NRXN1: variants seen among roughly 807,000 people sequenced by gnomAD.
NRXN1 encodes the protein neurexin 1.
Under a neutral mutation model 150.9 loss-of-function variants are expected in NRXN1, and 39 were observed. The observed-to-expected ratio is 0.26, with a 90% CI of 0.20 to 0.34. The LOEUF is 0.34. NRXN1 is among the 10% of genes least tolerant of loss of function. The pLI, the probability that NRXN1 is intolerant of heterozygous loss-of-function variation, is 1.00. For missense variants in NRXN1, 1,815 were observed against 1,949.9 expected, an observed-to-expected ratio of 0.93 and a Z score of 1.30; for synonymous variants, 924 against 757.0, an observed-to-expected ratio of 1.22 and a Z score of -3.62.
intron 5 of NRXN1, among the ~76,000 whole-genome samples, chr2:50,795,059 G>T (rs1049297332): frequency 1.3e-5 from 2 of 152,050 alleles, no homozygotes; most frequent in Non-Finnish European, 2.9e-5. Context: ...TACTATCAAG[G>T]AATTTTGTTA....
intron 19 of NRXN1, among the ~76,000 whole-genome samples, chr2:50,056,381 G>A (rs1693623782): frequency 6.6e-6 from 1 of 151,972 alleles, no homozygotes; most frequent in Admixed American, 6.6e-5. Flanking sequence ...TCATCAATTT[G>A]TCATCTGAAT....
intron 18 of NRXN1, among the ~76,000 whole-genome samples, chr2:50,210,911 T>C (rs961838246): frequency 9.9e-5 from 15 of 151,732 alleles, no homozygotes; most frequent in African/African-American, 3.6e-4. Flanking sequence ...TGCACTTTGC[T>C]CAAACACACA....
chr2:50,139,836 G>A (rs1260638609), intron 18 of NRXN1, among the ~76,000 whole-genome samples: 1 of 152,102 alleles, frequency 6.6e-6, no homozygotes, highest in Non-Finnish European at 1.5e-5. Context: ...GAAAAAATAT[G>A]ATAATTTATA....
At chr2:50,735,637 C>G (rs1054368616) in intron 5 of NRXN1, among the ~76,000 whole-genome samples, 4 of 152,092 alleles carry the variant, frequency 2.6e-5, no homozygotes, top group Non-Finnish European at 5.9e-5. Flanking sequence ...AATAAATATC[C>G]TATTGTAATT....
At chr2:50,651,735 C>T (rs1573970526) in intron 5 of NRXN1, among the ~76,000 whole-genome samples, 1 of 152,150 alleles carries the variant, frequency 6.6e-6, no homozygotes, top group Middle Eastern at 3.4e-3. Context: ...TACACCATCC[C>T]TTCTTTTTTC....
intron 22 of NRXN1, among the ~76,000 whole-genome samples, chr2:49,937,326 G>C (rs1033580370): frequency 6.6e-6 from 1 of 152,038 alleles, no homozygotes; most frequent in South Asian, 2.1e-4. Context: ...AGTTGCCCTC[G>C]GGCTGAAATC....
chr2:50,482,919 C>A (rs1180720215), intron 15 of NRXN1, among the ~76,000 whole-genome samples: 1 of 151,874 alleles, frequency 6.6e-6, no homozygotes, highest in Non-Finnish European at 1.5e-5. Flanking sequence ...TGCGTGGTGG[C>A]ATGCGTCTGT....
chr2:50,500,738 GTA>G (rs968410521), intron 13 of NRXN1, among the ~76,000 whole-genome samples: 33 of 152,310 alleles, frequency 2.2e-4, no homozygotes, highest in African/African-American at 7.0e-4. Context: ...TGCTGTGTTT[GTA>G]TAGAAATCTC....
At chr2:50,160,242 T>TA (rs971650825) in intron 18 of NRXN1, among the ~76,000 whole-genome samples, 4 of 151,768 alleles carry the variant, frequency 2.6e-5, no homozygotes, top group East Asian at 3.9e-4. Context: ...AATGACAACT[T>TA]AAAAAAAGGC....
chr2:49,924,558 T>A (rs1668761810), intron 22 of NRXN1, among the ~76,000 whole-genome samples: 1 of 152,104 alleles, frequency 6.6e-6, no homozygotes, highest in South Asian at 2.1e-4. Context: ...AAGAATGAGG[T>A]CACAAAGACC....
chr2:49,967,278 A>C (rs1425954297), intron 21 of NRXN1, among the ~76,000 whole-genome samples: 1 of 152,126 alleles, frequency 6.6e-6, no homozygotes, highest in Non-Finnish European at 1.5e-5. Flanking sequence ...TGTTTATGAC[A>C]TTTCTAGAAT....
At chr2:50,834,628 T>C (rs536808199) in intron 5 of NRXN1, among the ~76,000 whole-genome samples, 1 of 152,316 alleles carries the variant, frequency 6.6e-6, no homozygotes, top group South Asian at 2.1e-4. Flanking sequence ...ACAAACTAGA[T>C]AACCACTGGC....
At chr2:50,057,471 T>C (rs188016067) in intron 19 of NRXN1, among the ~76,000 whole-genome samples, 2 of 152,308 alleles carry the variant, frequency 1.3e-5, no homozygotes, top group Admixed American at 6.5e-5. Flanking sequence ...CTTGACTATA[T>C]TATTTGTAGC....
chr2:50,367,425 A>G (rs959364626), intron 17 of NRXN1, among the ~76,000 whole-genome samples: 1 of 152,148 alleles, frequency 6.6e-6, no homozygotes, highest in African/African-American at 2.4e-5. Flanking sequence ...AGCCTGCCAT[A>G]CATTCTTTCA....
rs986691255 is a variant in NRXN1 at position 49,975,082 on chromosome 2, TTA to T, written c.4129-31293_4129-31292del. ...TACACACTTCTTCAATGTGAGATGA[TTA>T]TATATAGTTATATATACATATACAT... On this transcript the variant is annotated intron_variant, in intron 21 of 22. Coordinates refer to ENST00000401669, the MANE Select transcript of NRXN1 (RefSeq NM_001330078.2). Among the ~76,000 whole-genome samples the T allele has an allele frequency of 7.3e-5, 11 of 150,528 alleles. 2 individuals are homozygous for T. The highest frequency in any genetic ancestry group is 2.7e-4 in the African/African-American group (11 of 41,234).
intron 18 of NRXN1, among the ~76,000 whole-genome samples, chr2:50,170,424 T>C (rs1029233322): frequency 2.0e-5 from 3 of 152,074 alleles, no homozygotes; most frequent in Non-Finnish European, 2.9e-5. Context: ...GCATCCTGAG[T>C]AGCTGGGACT....
At chr2:50,390,780 A>T (rs962378016) in intron 17 of NRXN1, among the ~76,000 whole-genome samples, 1 of 151,972 alleles carries the variant, frequency 6.6e-6, no homozygotes, top group African/African-American at 2.4e-5. Context: ...TTACCATGGG[A>T]TGATGCTGCA....
At chr2:50,995,234 G>T (rs1231325640) in intron 2 of NRXN1, among the ~76,000 whole-genome samples, 2 of 151,884 alleles carry the variant, frequency 1.3e-5, no homozygotes, top group African/African-American at 2.4e-5. Flanking sequence ...TTCCAGATGA[G>T]GACACTGAGA....
rs983238271 is a variant in NRXN1, at chr2:50,138,243, A to C, written c.3547-46749T>G. On this transcript the variant is annotated intron_variant, in intron 18 of 22. Coordinates refer to ENST00000401669, the MANE Select transcript of NRXN1 (RefSeq NM_001330078.2). ...GTTGGAATTTTTAAACACATTTATA[A>C]GTATGTATATATTGGAAATAGCACC... Among the ~76,000 whole-genome samples the C allele has an allele frequency of 1.8e-4, 27 of 152,314 alleles. 1 individual carries two copies. Among genetic ancestry groups the C allele is most frequent in the African/African-American group, 6.0e-4 (25 of 41,564 alleles).
Sources: allele counts gnomAD v4.1 joint callset (sites outside exome capture counted in the v4.1 genomes callset), GRCh38; gene constraint gnomAD v4.1.1; transcripts MANE v1.5; gene names NCBI Gene and HGNC (gene_info 2026-07-23, HGNC 2026-07-21).